Variants in ZNF516 observed in about 807,000 individuals in gnomAD.
The protein encoded by ZNF516 is zinc finger protein 516.
Under a neutral mutation model 79.7 loss-of-function variants are expected in ZNF516, and 19 were observed. That is an observed-to-expected ratio of 0.24 (90% confidence interval 0.17 to 0.35). The LOEUF (loss-of-function observed/expected upper bound fraction) is 0.35. Among genes scored for constraint, ZNF516 ranks in the 10% least tolerant of loss-of-function variants. ZNF516 has a pLI of 1.00. For missense variants in ZNF516, 1,678 were observed against 1,679.5 expected (o/e 1.00, Z 0.02); for synonymous variants, 877 against 739.5 (o/e 1.19, Z -3.02).
chr18:76,446,981 GTTGA>G (rs747496452), intron 2 of ZNF516, among the ~76,000 whole-genome samples: 46 of 152,314 alleles, frequency 3.0e-4, no homozygotes, highest in African/African-American at 8.9e-4. Context: ...CTGCCCAGGG[GTTGA>G]TTAAGTGATC....
intron 1 of ZNF516, among the ~76,000 whole-genome samples, chr18:76,468,410 T>C (rs914520663): frequency 2.0e-5 from 3 of 151,106 alleles, no homozygotes; most frequent in African/African-American, 7.3e-5. Context: ...AGGCTCATCA[T>C]TAGTGTCTTT....
chr18:76,462,175 C>T (rs1177908117), intron 2 of ZNF516, among the ~76,000 whole-genome samples: 2 of 152,120 alleles, frequency 1.3e-5, no homozygotes, highest in Admixed American at 1.3e-4. Context: ...GGACACACTT[C>T]CACGCCAGAG....
chr18:76,417,232 G>A (rs755750914), intron 3 of ZNF516, among the ~76,000 whole-genome samples: 1 of 152,122 alleles, frequency 6.6e-6, no homozygotes, highest in East Asian at 1.9e-4. Flanking sequence ...GGCTCTCCCT[G>A]TCCCAGGCAA....
chr18:76,368,386 A>G (rs545342954), intron 6 of ZNF516, among the ~76,000 whole-genome samples: 1 of 152,278 alleles, frequency 6.6e-6, no homozygotes, highest in East Asian at 1.9e-4. Flanking sequence ...GTAATGAAAG[A>G]CAAAAAGTAC....
At position 76,441,198 on chromosome 18, in the gene ZNF516, T is replaced by G. The variant is rs771093013; in HGVS notation, c.1810+47A>C. On this transcript the variant is annotated intron_variant, in intron 3 of 6. Transcript: ENST00000443185. Reference sequence around the variant, plus strand: ...CGTTTACCTGGAAGCAGGAACCCCCTGAGCCTGGGATCCCAGGACCCAGGC... The same window carrying G: ...CGTTTACCTGGAAGCAGGAACCCCCGGAGCCTGGGATCCCAGGACCCAGGC... The G allele has an allele frequency of 5.7e-6, 9 of 1,573,788 alleles. No individual in the cohort carries two copies. In the South Asian group the frequency reaches 8.1e-5, roughly 14 times the overall value.
chr18:76,481,520 C>T (rs1405686721), intron 1 of ZNF516, among the ~76,000 whole-genome samples: 1 of 152,194 alleles, frequency 6.6e-6, no homozygotes, highest in Non-Finnish European at 1.5e-5. Flanking sequence ...GGGTCGGACA[C>T]TCAAGGGAAT....
chr18:76,479,560 G>C (rs962284653), intron 1 of ZNF516, among the ~76,000 whole-genome samples: 3 of 152,306 alleles, frequency 2.0e-5, no homozygotes, highest in Non-Finnish European at 4.4e-5. Context: ...ACGCACAGGC[G>C]TTCGTAACGG....
At chr18:76,485,200 G>T (rs1294254469) in intron 1 of ZNF516, among the ~76,000 whole-genome samples, 1 of 152,136 alleles carries the variant, frequency 6.6e-6, no homozygotes, top group Non-Finnish European at 1.5e-5. Flanking sequence ...ATTATGCTTG[G>T]TGTTACTCAA....
chr18:76,450,261 A>G (rs1912322054), intron 2 of ZNF516, among the ~76,000 whole-genome samples: 1 of 151,912 alleles, frequency 6.6e-6, no homozygotes. Context: ...AAAAAAATAA[A>G]TCCTACTTGC....
chr18:76,366,819 CCATTAT>C (rs1256416468), intron 6 of ZNF516, among the ~76,000 whole-genome samples: 6 of 152,254 alleles, frequency 3.9e-5, no homozygotes, highest in Middle Eastern at 3.4e-3. Flanking sequence ...AAAATAAGCA[CCATTAT>C]CATTATTTTA....
At chr18:76,466,616 C>A (rs1913488188) in intron 1 of ZNF516, among the ~76,000 whole-genome samples, 1 of 152,220 alleles carries the variant, frequency 6.6e-6, no homozygotes, top group Non-Finnish European at 1.5e-5. Context: ...AGGAGAAAGG[C>A]ACTCTGTGGA....
intron 1 of ZNF516, among the ~76,000 whole-genome samples, chr18:76,471,871 A>G (rs1335569752): frequency 1.3e-5 from 2 of 152,110 alleles, no homozygotes; most frequent in Non-Finnish European, 2.9e-5. Flanking sequence ...TCTACCCTGG[A>G]TGTCTCATTC....
intron 1 of ZNF516, among the ~76,000 whole-genome samples, chr18:76,484,103 G>A (rs1228339912): frequency 6.6e-6 from 1 of 152,190 alleles, no homozygotes; most frequent in African/African-American, 2.4e-5. Flanking sequence ...ATGACAACAC[G>A]CTTACCAAGT....
intron 3 of ZNF516, among the ~76,000 whole-genome samples, chr18:76,437,575 C>T (rs898767235): frequency 1.3e-5 from 2 of 151,956 alleles, no homozygotes; most frequent in African/African-American, 4.8e-5. Flanking sequence ...AACAGTTGAA[C>T]ACAATGGTCC....
chr18:76,407,563 A>G (rs1455296460), intron 3 of ZNF516, among the ~76,000 whole-genome samples: 1 of 152,104 alleles, frequency 6.6e-6, no homozygotes, highest in Non-Finnish European at 1.5e-5. Context: ...TGGCACAGAC[A>G]ACACCGCCCT....
chr18:76,494,722 TTAAAG>T (rs1232482087), intron 1 of ZNF516, among the ~76,000 whole-genome samples: 4 of 151,736 alleles, frequency 2.6e-5, no homozygotes, highest in Middle Eastern at 3.2e-3. Context: ...GCGTTTTACT[TTAAAG>T]TAAGGCAATT....
intron 3 of ZNF516, chr18:76,387,823 C>A (rs1424329740): frequency 1.3e-5 from 2 of 152,238 alleles, no homozygotes; most frequent in Non-Finnish European, 2.9e-5. Context: ...CTGGCAAAGG[C>A]CCCACCCTCG....
intron 3 of ZNF516, among the ~76,000 whole-genome samples, chr18:76,417,873 T>C (rs1257208546): frequency 6.6e-6 from 1 of 152,220 alleles, no homozygotes; most frequent in Non-Finnish European, 1.5e-5. Flanking sequence ...CAAAAGAGTG[T>C]CACTTATTAA....
intron 3 of ZNF516, among the ~76,000 whole-genome samples, chr18:76,390,490 G>A (rs923271351): frequency 1.3e-5 from 2 of 152,206 alleles, no homozygotes. Flanking sequence ...CAGCAGTGAT[G>A]TGCCCAAGAC....
Sources: allele counts gnomAD v4.1 joint callset (sites outside exome capture counted in the v4.1 genomes callset), GRCh38; gene constraint gnomAD v4.1.1; transcripts MANE v1.5; gene names NCBI Gene and HGNC (gene_info 2026-07-23, HGNC 2026-07-21).